Variants in MYO1H observed in about 807,000 individuals in gnomAD.
The protein encoded by MYO1H is unconventional myosin-Ih.
A neutral mutation model predicts 149.3 loss-of-function variants in MYO1H; 118 were observed. The observed-to-expected ratio is 0.79, with a 90% CI of 0.68 to 0.92. MYO1H has a LOEUF of 0.92. Among genes scored for constraint, MYO1H ranks in the 40% least tolerant of loss-of-function variants. The pLI is 0.00. For synonymous variants in MYO1H, 447 were observed against 465.2 expected (o/e 0.96, Z 0.50); for missense variants, 1,212 against 1,280.7 (o/e 0.95, Z 0.82).
the MYO1H span, among the ~76,000 whole-genome samples, chr12:109,324,191 A>C: frequency 6.6e-6 from 1 of 152,182 alleles, no homozygotes; most frequent in South Asian, 2.1e-4. Flanking sequence ...GATGAGGTCA[A>C]CTGACCAGAA....
chr12:109,386,591 T>A (rs1298484363), intron 1 of MYO1H, among the ~76,000 whole-genome samples: 1 of 152,246 alleles, frequency 6.6e-6, no homozygotes, highest in Non-Finnish European at 1.5e-5. Flanking sequence ...CCCTGATGAC[T>A]AACAATGTTG....
intron 1 of MYO1H, 41 bp from the exon 2 acceptor site, chr12:109,388,642 C>G (rs1051178154): frequency 2.0e-6 from 3 of 1,492,914 alleles, no homozygotes; most frequent in Non-Finnish European, 2.7e-6. Context: ...ATAGATATTA[C>G]CAAATAGATG....
intron 1 of MYO1H, among the ~76,000 whole-genome samples, chr12:109,348,346 C>G (rs978187455): frequency 2.0e-5 from 3 of 151,980 alleles, no homozygotes; most frequent in Admixed American, 6.5e-5. Context: ...TCCTGGGGAA[C>G]TGAATTGTAA....
rs555233072 is a variant in MYO1H, at chr12:109,448,170, A to C, written c.*988A>C. The C allele has an allele frequency of 6.6e-5, 10 of 152,298 alleles. No homozygotes were observed. In the South Asian group the frequency reaches 2.1e-3, roughly 32 times the overall value. The allele number at this position is 152,298 out of a possible 1,614,324, so 9.4% of individuals were successfully genotyped here. The stretch of plus-strand genomic sequence containing the variant: ...GAAGTGCTTTGGTCTTTATTTAGAA[A>C]TTGGGTGATGTTTTTGTGCCCAGCA... On this transcript the variant is annotated 3_prime_UTR_variant, in exon 32 of 32. Transcript: ENST00000310903.
exon 12 of MYO1H, chr12:109,410,043 C>T: frequency 6.5e-7 from 1 of 1,535,102 alleles, no homozygotes; most frequent in Non-Finnish European, 8.8e-7. Flanking sequence ...GCAGAACAGG[C>T]AGAATATGAA....
the MYO1H span, among the ~76,000 whole-genome samples, chr12:109,314,948 A>C: frequency 2.6e-5 from 4 of 152,128 alleles, no homozygotes; most frequent in African/African-American, 7.2e-5. Flanking sequence ...AAAAAAATAC[A>C]AAAATTAGCC....
intron 1 of MYO1H, among the ~76,000 whole-genome samples, chr12:109,375,980 A>G (rs1869079940): frequency 6.6e-6 from 1 of 152,170 alleles, no homozygotes; most frequent in South Asian, 2.1e-4. Context: ...CCCTGTCTCA[A>G]TCAGTCAATC....
intron 1 of MYO1H, among the ~76,000 whole-genome samples, chr12:109,363,592 A>G (rs1196313162): frequency 6.6e-6 from 1 of 152,054 alleles, no homozygotes; most frequent in African/African-American, 2.4e-5. Flanking sequence ...CATGCCTGTA[A>G]TCCCAGCTAC....
intron 6 of MYO1H, among the ~76,000 whole-genome samples, chr12:109,402,133 T>C (rs1870193441): frequency 6.6e-6 from 1 of 152,208 alleles, no homozygotes; most frequent in African/African-American, 2.4e-5. Flanking sequence ...GTTCAAGCTA[T>C]TCCTATAAAC....
chr12:109,406,798 G>C, exon 9 of MYO1H: 1 of 1,613,932 alleles, frequency 6.2e-7, no homozygotes, highest in Non-Finnish European at 8.5e-7. Context: ...GCTCCTGGGG[G>C]TCCACCCATC....
intron 30 of MYO1H, 96 bp from the exon 31 acceptor site, chr12:109,445,417 A>G: frequency 1.1e-6 from 1 of 899,132 alleles, no homozygotes; most frequent in Non-Finnish European, 1.7e-6. Context: ...TGATCTTGAA[A>G]CTAGTAGAAT....
exon 4 of MYO1H, chr12:109,396,572 C>A (rs996883305): frequency 6.2e-7 from 1 of 1,611,690 alleles, no homozygotes. Context: ...TTCTCCAACC[C>A]AGTGCTGGAG....
chr12:109,372,055 T>C (rs568179440), intron 1 of MYO1H, among the ~76,000 whole-genome samples: 1 of 152,282 alleles, frequency 6.6e-6, no homozygotes, highest in Admixed American at 6.5e-5. Context: ...AACTAATGAT[T>C]TATCTGAGCT....
intron 1 of MYO1H, among the ~76,000 whole-genome samples, chr12:109,348,744 A>G (rs921980573): frequency 3.9e-5 from 6 of 152,226 alleles, no homozygotes; most frequent in Non-Finnish European, 4.4e-5. Context: ...TCGATAGCAT[A>G]ATCATCTCAT....
chr12:109,445,200 G>T (rs1253563371), intron 30 of MYO1H, among the ~76,000 whole-genome samples: 1 of 152,144 alleles, frequency 6.6e-6, no homozygotes, highest in Non-Finnish European at 1.5e-5. Flanking sequence ...TTGTCTTTGT[G>T]TTGCTGTACC....
exon 32 of MYO1H, chr12:109,447,302 C>G: frequency 1.1e-6 from 1 of 878,666 alleles, no homozygotes; most frequent in Non-Finnish European, 1.9e-6. Context: ...GCAGCACTAA[C>G]AGATCACATC....
chr12:109,396,707 T>G (rs1869923651), intron 4 of MYO1H, 125 bp downstream of exon 4: 1 of 765,470 alleles, frequency 1.3e-6, no homozygotes, highest in Admixed American at 3.1e-5. Context: ...ACACAGATAG[T>G]GTCACAGTTA....
At chr12:109,415,730 C>T in intron 15 of MYO1H, 110 bp downstream of exon 15, 1 of 641,694 alleles carries the variant, frequency 1.6e-6, no homozygotes, top group Non-Finnish European at 2.4e-6. Context: ...CAAACGTTCC[C>T]TAACCTCGCG....
chr12:109,320,455 CAAAAAAAAAA>C, the MYO1H span, among the ~76,000 whole-genome samples: 11 of 63,326 alleles, frequency 1.7e-4, no homozygotes, highest in Admixed American at 4.5e-4. Context: ...ATTAAAAATA[CAAAAAAAAAA>C]AAAAAAAAAA....
Sources: gnomAD v4.1 joint callset for allele counts (sites outside exome capture counted in the v4.1 genomes callset) on GRCh38, gnomAD v4.1.1 for gene constraint, MANE v1.5 for transcripts, NCBI Gene and HGNC (gene_info 2026-07-23, HGNC 2026-07-21) for gene names.